Variants in CEP63 observed in about 807,000 individuals in gnomAD.
CEP63 encodes centrosomal protein of 63 kDa.
Under a neutral mutation model 89.1 loss-of-function variants are expected in CEP63, and 84 were observed. That is an observed-to-expected ratio of 0.94 (90% CI 0.79 to 1.13). The LOEUF (loss-of-function observed/expected upper bound fraction) is 1.13. CEP63 is among the 50% of genes most tolerant of loss of function. The pLI is 0.00. For synonymous variants in CEP63, 267 were observed against 272.5 expected, an observed-to-expected ratio of 0.98 and a Z score of 0.20; for missense variants, 838 against 813.3, an observed-to-expected ratio of 1.03 and a Z score of -0.37.
Position 134,550,228 on chromosome 3 carries a change from CA to C in CEP63, c.1352del (p.Lys451ArgfsTer7), listed in dbSNP as rs1954502877. 1 of 1,614,012 alleles carries C rather than the reference CA, an allele frequency of 6.2e-7. No homozygotes were observed. Among genetic ancestry groups the C allele is most frequent in the African/African-American group, 1.3e-5 (1 of 74,930 alleles). On this transcript the variant is annotated frameshift_variant, in exon 11 of 15. Coordinates refer to ENST00000675561, the MANE Select transcript of CEP63 (RefSeq NM_001353108.3). LOFTEE classifies it high-confidence loss of function. ...GGAAAAGCGACTCAGAGCAGAGATG[CA>C]AAAGGCAGAAGACAAAGCAGTAGAG... ...DMEKRLRAEM[Q>X]KAEDKAVEHK...
chr3:134,554,295 C>G (rs1955611630), intron 12 of CEP63, among the ~76,000 whole-genome samples: 2 of 150,320 alleles, frequency 1.3e-5, no homozygotes, highest in South Asian at 4.3e-4. Flanking sequence ...CATGTGATCT[C>G]ATTGTTCAAT....
At chr3:134,726,704 C>T in the CEP63 span, among the ~76,000 whole-genome samples, 1 of 152,064 alleles carries the variant, frequency 6.6e-6, no homozygotes, top group Admixed American at 6.6e-5. Context: ...CATGGCTGGT[C>T]CTGGGCTTTG....
At chr3:134,668,457 G>A in the CEP63 span, among the ~76,000 whole-genome samples, 4 of 152,310 alleles carry the variant, frequency 2.6e-5, no homozygotes, top group South Asian at 8.3e-4. Flanking sequence ...CCAGGTGTGA[G>A]CTGCTCAGGA....
At chr3:134,521,321 G>A (rs890102681) in intron 3 of CEP63, among the ~76,000 whole-genome samples, 2 of 152,140 alleles carry the variant, frequency 1.3e-5, no homozygotes, top group African/African-American at 4.8e-5. Flanking sequence ...AAAGAGTGCT[G>A]TACTTTTCTG....
the CEP63 span, among the ~76,000 whole-genome samples, chr3:134,642,513 G>A: frequency 3.8e-5 from 5 of 133,058 alleles, no homozygotes; most frequent in Admixed American, 2.4e-4. Context: ...CTATCTTGTC[G>A]TGTGCTCAGA....
rs181925793 is a variant in CEP63, at chr3:134,580,672, T to C, written c.1207-6786T>C. 5.1e-3 allele frequency among the ~76,000 whole-genome samples: 775 copies of C among 152,252 alleles called. 31 individuals carry two copies. The highest frequency in any genetic ancestry group is 0.048 in the Admixed American group (727 of 15,286). On this transcript the variant is annotated intron_variant, in intron 10 of 10. Transcript: ENST00000683931. Reference sequence around the variant, plus strand: ...AAGTCATTAACAAAATATTAGCAAATTAAGTCTATTAATAAAGAACAAGCT... The same window carrying C: ...AAGTCATTAACAAAATATTAGCAAACTAAGTCTATTAATAAAGAACAAGCT...
intron 8 of CEP63, among the ~76,000 whole-genome samples, chr3:134,546,748 T>TA: frequency 6.6e-6 from 1 of 152,368 alleles, no homozygotes; most frequent in Middle Eastern, 3.4e-3. Context: ...GTTAGGTTTT[T>TA]AAAGTGTTAT....
chr3:134,498,001 T>G (rs1364339966), intron 2 of CEP63, among the ~76,000 whole-genome samples: 1 of 152,202 alleles, frequency 6.6e-6, no homozygotes, highest in Non-Finnish European at 1.5e-5. Flanking sequence ...TCAGGTAGTG[T>G]GATACCTCCA....
At chr3:134,621,548 C>T in the CEP63 span, among the ~76,000 whole-genome samples, 1 of 152,242 alleles carries the variant, frequency 6.6e-6, no homozygotes, top group African/African-American at 2.4e-5. Flanking sequence ...CTACCTCATG[C>T]CATATACAAA....
At chr3:134,648,411 T>C in the CEP63 span, among the ~76,000 whole-genome samples, 2 of 152,064 alleles carry the variant, frequency 1.3e-5, no homozygotes, top group African/African-American at 2.4e-5. Context: ...ACCTATGGAG[T>C]AGAATACACA....
the CEP63 span, among the ~76,000 whole-genome samples, chr3:134,736,979 G>A: frequency 2.0e-5 from 3 of 152,128 alleles, no homozygotes; most frequent in Non-Finnish European, 2.9e-5. Context: ...GACTGATGGA[G>A]CAAACAGCTC....
the CEP63 span, chr3:134,613,298 G>A: frequency 1.3e-5 from 2 of 153,116 alleles, no homozygotes; most frequent in Non-Finnish European, 2.9e-5. Flanking sequence ...GAGAAGCCAT[G>A]TCCTAGGCCG....
At position 134,535,500 on chromosome 3, in the gene CEP63, C is replaced by CTTTTTTTTTTTTTTTTTTTTTTT. The variant is rs869231096; in HGVS notation, c.442-1644_442-1643insTTTTTTTTTTTTTTTTTTTTTTT. ...GTCATGTCATTGGACCTTTCCTTTC[C>CTTTTTTTTTTTTTTTTTTTTTTT]TTTTTTTTTTTCCTATCTACGCTCA... On this transcript the variant is annotated intron_variant, in intron 5 of 14. Coordinates refer to ENST00000675561, the MANE Select transcript of CEP63 (RefSeq NM_001353108.3). 1.4e-5 allele frequency: 2 copies of CTTTTTTTTTTTTTTTTTTTTTTT among 143,288 alleles called. 1 individual carries two copies. Among genetic ancestry groups the CTTTTTTTTTTTTTTTTTTTTTTT allele is most frequent in the Non-Finnish European group, 3.0e-5 (2 of 66,762 alleles). 8.9% of individuals were successfully genotyped at this position (143,288 alleles called of 1,614,324 possible). A position where few individuals can be genotyped will look rare whatever the true frequency, so the allele number is the denominator to read the frequency against.
chr3:134,590,594 G>A (rs370119729), downstream of CEP63, among the ~76,000 whole-genome samples: 7 of 152,310 alleles, frequency 4.6e-5, no homozygotes, highest in East Asian at 1.2e-3. Flanking sequence ...GGCTGGAATA[G>A]CTCTCAGACG....
intron 1 of CEP63, chr3:134,486,554 C>A: frequency 1.0e-6 from 1 of 985,174 alleles, no homozygotes; most frequent in African/African-American, 1.7e-5. Flanking sequence ...GGAGAGTGGC[C>A]AGGTGGGCGA....
At chr3:134,656,826 C>A in the CEP63 span, among the ~76,000 whole-genome samples, 3 of 152,134 alleles carry the variant, frequency 2.0e-5, no homozygotes. Flanking sequence ...AAAGTCCCAT[C>A]AGGAGACAAG....
chr3:134,577,520 G>A (rs1264184383), downstream of CEP63, among the ~76,000 whole-genome samples: 1 of 126,498 alleles, frequency 7.9e-6, no homozygotes, highest in African/African-American at 3.0e-5. Context: ...TCTACCTCCC[G>A]AGTTCAAGCA....
the CEP63 span, among the ~76,000 whole-genome samples, chr3:134,677,796 C>T: frequency 2.6e-5 from 4 of 152,150 alleles, no homozygotes; most frequent in Non-Finnish European, 4.4e-5. Flanking sequence ...CCCCCATGGA[C>T]GCAGTCACTC....
the CEP63 span, among the ~76,000 whole-genome samples, chr3:134,642,283 T>C: frequency 2.6e-5 from 4 of 152,146 alleles, no homozygotes; most frequent in Non-Finnish European, 5.9e-5. Flanking sequence ...CTGTTTCATA[T>C]GGGGCATGGG....
Sources: gnomAD v4.1 joint callset for allele counts (sites outside exome capture counted in the v4.1 genomes callset) on GRCh38, gnomAD v4.1.1 for gene constraint, MANE v1.5 for transcripts, NCBI Gene and HGNC (gene_info 2026-07-23, HGNC 2026-07-21) for gene names.